The following RTN4IP1 variants were observed in gnomAD, a reference collection of about 807,000 sequenced individuals.
The protein encoded by RTN4IP1 is reticulon 4 interacting protein 1.
Under a neutral mutation model 46.6 loss-of-function variants are expected in RTN4IP1, and 32 were observed. The observed-to-expected ratio is 0.69, with a 90% confidence interval of 0.52 to 0.92. RTN4IP1 has a LOEUF of 0.92. Ranked by LOEUF, RTN4IP1 falls within the 40% of genes least tolerant of loss-of-function variation. RTN4IP1 has a pLI of 0.00. For synonymous variants in RTN4IP1, 167 were observed against 161.8 expected, an observed-to-expected ratio of 1.03 and a Z score of -0.24; for missense variants, 424 against 485.8, an observed-to-expected ratio of 0.87 and a Z score of 1.20.
intron 3 of RTN4IP1, among the ~76,000 whole-genome samples, chr6:106,620,154 T>C (rs1227125372): frequency 2.0e-5 from 3 of 151,916 alleles, no homozygotes; most frequent in Non-Finnish European, 4.4e-5. Context: ...AGTGATGCAA[T>C]CTCAGCTCAC....
intron 8 of RTN4IP1, among the ~76,000 whole-genome samples, chr6:106,580,039 C>T (rs1206728736): frequency 6.6e-6 from 1 of 151,538 alleles, no homozygotes; most frequent in Admixed American, 6.6e-5. Flanking sequence ...ACGGTGAAAC[C>T]CCATCTCTAC....
intron 4 of RTN4IP1, among the ~76,000 whole-genome samples, chr6:106,608,835 T>C (rs1157369811): frequency 6.6e-6 from 1 of 152,208 alleles, no homozygotes; most frequent in Non-Finnish European, 1.5e-5. Flanking sequence ...AATTCCCCCA[T>C]GAAATATTTC....
At chr6:106,621,626 G>A (rs1776489527) in intron 2 of RTN4IP1, 133 bp from the exon 3 acceptor site, 4 of 649,804 alleles carry the variant, frequency 6.2e-6, no homozygotes, top group Admixed American at 5.3e-5. Context: ...CCAAGCAGGA[G>A]TGTTATTTTC....
At chr6:106,600,741 C>T (rs1375373902) in intron 5 of RTN4IP1, among the ~76,000 whole-genome samples, 2 of 151,992 alleles carry the variant, frequency 1.3e-5, no homozygotes, top group African/African-American at 4.8e-5. Flanking sequence ...CATGCTGTAT[C>T]ATCATCAATA....
At chr6:106,614,745 G>C (rs1379808033) in intron 4 of RTN4IP1, among the ~76,000 whole-genome samples, 5 of 152,052 alleles carry the variant, frequency 3.3e-5, no homozygotes, top group Admixed American at 6.6e-5. Context: ...AATGTCTTTG[G>C]GCTTGGCAAC....
intron 5 of RTN4IP1, among the ~76,000 whole-genome samples, chr6:106,598,993 A>G (rs1775877017): frequency 1.3e-5 from 2 of 151,746 alleles, no homozygotes; most frequent in Non-Finnish European, 2.9e-5. Context: ...TTTTTCATTT[A>G]GTTTTACTTT....
At position 106,619,283 on chromosome 6, in the gene RTN4IP1, G is replaced by A; in HGVS notation, c.539C>T (p.Ser180Phe). The change falls in exon 4 of 9, where the codon TCT becomes TTT. Residue 180 changes from serine (S) to phenylalanine (F), a missense_variant. Physicochemically the swap from Ser to Phe is radical, Grantham distance 155 (BLOSUM62 -2). Transcript: ENST00000369063. ...GGCTGTGAGAGCCACATATGGCAAA[G>A]AGGCAGCTTGAGTATGAGTGAGTGA... ...PKSLTHTQAA[S>F]LPYVALTAWS... 6.2e-7 allele frequency: 1 copy of A among 1,614,212 alleles called. No homozygotes were observed.
chr6:106,629,727 AG>A, upstream of RTN4IP1: 1 of 1,599,260 alleles, frequency 6.3e-7, no homozygotes, highest in Non-Finnish European at 8.5e-7. Flanking sequence ...TGGCCCGCTG[AG>A]GCCCCCGGGA....
rs773213072 is a variant in RTN4IP1 at position 106,602,931 on chromosome 6, C to CA, written c.621-10dup. 4 of 1,596,064 alleles carry CA rather than the reference C, an allele frequency of 2.5e-6. No homozygotes were observed. The highest frequency in any genetic ancestry group is 3.4e-6 in the Non-Finnish European group (4 of 1,172,396). On this transcript the variant is annotated splice_polypyrimidine_tract_variant and intron_variant, in intron 4 of 8. Coordinates refer to ENST00000369063, the MANE Select transcript of RTN4IP1 (RefSeq NM_032730.5). ...CGCCTAAGATTAGAACACTGAAATGCAAAGGAAACCACAATTAACGAGAAT... is the reference window on the plus strand; with the variant it reads ...CGCCTAAGATTAGAACACTGAAATGCAAAAGGAAACCACAATTAACGAGAAT...
intron 4 of RTN4IP1, among the ~76,000 whole-genome samples, chr6:106,616,139 G>A (rs977221889): frequency 1.1e-4 from 16 of 152,070 alleles, no homozygotes; most frequent in Non-Finnish European, 2.4e-4. Flanking sequence ...GGATAGTCTC[G>A]ATCTCCTGAC....
At chr6:106,592,452 A>G (rs1775687110) in intron 5 of RTN4IP1, 152 bp from the exon 6 acceptor site, 2 of 782,428 alleles carry the variant, frequency 2.6e-6, no homozygotes. Context: ...AACTATAGGA[A>G]GCCATCTGTC....
At chr6:106,605,909 C>T (rs1449752028) in intron 4 of RTN4IP1, among the ~76,000 whole-genome samples, 1 of 149,278 alleles carries the variant, frequency 6.7e-6, no homozygotes, top group Non-Finnish European at 1.5e-5. Flanking sequence ...TCTACTCAAA[C>T]AACACAATAG....
At chr6:106,627,714 G>A (rs1776682324) in intron 1 of RTN4IP1, among the ~76,000 whole-genome samples, 1 of 137,798 alleles carries the variant, frequency 7.3e-6, no homozygotes, top group Admixed American at 7.3e-5. Context: ...TAGACTTCAT[G>A]AGACAATCAC....
chr6:106,586,736 T>C (rs764140806), intron 7 of RTN4IP1, among the ~76,000 whole-genome samples: 1 of 152,186 alleles, frequency 6.6e-6, no homozygotes, highest in Admixed American at 6.5e-5. Context: ...ACCAATGATC[T>C]ATAATTACCA....
rs1385644139 is a variant in RTN4IP1 at position 106,619,227 on chromosome 6, T to G, written c.595A>C (p.Asn199His). The change falls in exon 4 of 9, where the codon AAT becomes CAT. Residue 199 changes from asparagine (N) to histidine (H), a missense_variant. Transcript: ENST00000369063. ...WSAINKVGGL[N>H]DKNCTGKRVL... Reference sequence around the variant, plus strand: ...CGTTTTCCTGTGCAATTCTTGTCATTCAGGCCACCAACTTTGTTTATAGCA... The same window carrying G: ...CGTTTTCCTGTGCAATTCTTGTCATGCAGGCCACCAACTTTGTTTATAGCA... 6.2e-7 allele frequency: 1 copy of G among 1,614,208 alleles called. No individual in the cohort carries two copies. Among genetic ancestry groups the G allele is most frequent in the Non-Finnish European group, 8.5e-7 (1 of 1,180,022 alleles).
chr6:106,596,999 A>G (rs1775809921), intron 5 of RTN4IP1, among the ~76,000 whole-genome samples: 1 of 152,152 alleles, frequency 6.6e-6, no homozygotes, highest in Non-Finnish European at 1.5e-5. Context: ...TTTTTCTTAT[A>G]TGGACACATA....
Position 106,583,410 on chromosome 6 carries a change from T to C in RTN4IP1, c.1001A>G (p.Lys334Arg), listed in dbSNP as rs1453783961. Residue 334 changes from lysine to arginine, a missense_variant, in exon 8 of 9, where the codon AAA becomes AGA. Physicochemically the swap from Lys to Arg is conservative, Grantham distance 26 (BLOSUM62 2). Transcript: ENST00000369063. Reference sequence around the variant, plus strand: ...AAATGCCCAGCGATAATGGACTCCTTTCCAGAAATGCTAAAAAGAAGAAAA... The same window carrying C: ...AAATGCCCAGCGATAATGGACTCCTCTCCAGAAATGCTAAAAAGAAGAAAA... ...VGSKALKHFW[K>R]GVHYRWAFFM... 1 of 1,612,186 alleles carries C rather than the reference T, an allele frequency of 6.2e-7. No homozygotes were observed. The highest frequency in any genetic ancestry group is 1.3e-5 in the African/African-American group (1 of 74,900).
intron 4 of RTN4IP1, among the ~76,000 whole-genome samples, chr6:106,616,501 A>T (rs965697723): frequency 4.6e-5 from 7 of 152,200 alleles, no homozygotes; most frequent in African/African-American, 1.4e-4. Context: ...TTAGAAAAAA[A>T]AGATGATTCA....
chr6:106,624,289 C>T (rs555068871), intron 1 of RTN4IP1, among the ~76,000 whole-genome samples: 4 of 152,180 alleles, frequency 2.6e-5, no homozygotes, highest in East Asian at 3.9e-4. Context: ...CTCCCTACCT[C>T]GTGATCCGCC....
Sources: gnomAD v4.1 joint callset for allele counts (sites outside exome capture counted in the v4.1 genomes callset) on GRCh38, gnomAD v4.1.1 for gene constraint, MANE v1.5 for transcripts, NCBI Gene and HGNC (gene_info 2026-07-23, HGNC 2026-07-21) for gene names.